DOP1A: variants seen among roughly 807,000 people sequenced by gnomAD.
DOP1A encodes DOP1 leucine zipper like protein A.
DOP1A carries 90 observed loss-of-function variants against 267.6 expected under a neutral mutation model. That is an observed-to-expected ratio of 0.34 (90% CI 0.28 to 0.40). DOP1A has a LOEUF of 0.40. Ranked by LOEUF, DOP1A falls within the 10% of genes least tolerant of loss-of-function variation. The pLI, the probability that DOP1A is intolerant of heterozygous loss-of-function variation, is 1.00. For missense variants in DOP1A, 2,437 were observed against 2,900.4 expected (o/e 0.84, Z 3.67); for synonymous variants, 932 against 999.1 (o/e 0.93, Z 1.27).
intron 26 of DOP1A, among the ~76,000 whole-genome samples, chr6:83,148,096 A>T (rs1477428031): frequency 6.6e-6 from 1 of 152,126 alleles, no homozygotes; most frequent in Non-Finnish European, 1.5e-5. Context: ...GATAAATGGG[A>T]TTTCAATAGA....
intron 17 of DOP1A, among the ~76,000 whole-genome samples, chr6:83,131,719 T>TG (rs1346539572): frequency 1.3e-5 from 2 of 152,084 alleles, no homozygotes; most frequent in Non-Finnish European, 2.9e-5. Context: ...CACTACAACT[T>TG]GCGCTTTTCG....
At chr6:83,068,655 T>C (rs1785102856) in intron 1 of DOP1A, among the ~76,000 whole-genome samples, 1 of 152,222 alleles carries the variant, frequency 6.6e-6, no homozygotes, top group Non-Finnish European at 1.5e-5. Flanking sequence ...TTTGATGTTG[T>C]TGGCCATTGT....
chr6:83,170,184 C>T (rs1473232471), downstream of DOP1A: 22 of 877,558 alleles, frequency 2.5e-5, no homozygotes, highest in Non-Finnish European at 3.7e-5. Flanking sequence ...TAATGTGAAC[C>T]TAAAAGGCTC....
chr6:83,099,788 A>G (rs1235720019), intron 3 of DOP1A, among the ~76,000 whole-genome samples: 1 of 151,844 alleles, frequency 6.6e-6, no homozygotes, highest in Non-Finnish European at 1.5e-5. Context: ...TTACATATAT[A>G]TACTCATACC....
intron 1 of DOP1A, among the ~76,000 whole-genome samples, chr6:83,085,783 G>A (rs181125122): frequency 2.0e-5 from 1 of 50,846 alleles, no homozygotes; most frequent in Non-Finnish European, 3.7e-5. Flanking sequence ...GGTATTTTAT[G>A]TTATGTTATG....
chr6:83,100,505 G>A (rs1024778671), intron 3 of DOP1A, among the ~76,000 whole-genome samples, 200 bp from the exon 4 acceptor site: 4 of 151,986 alleles, frequency 2.6e-5, no homozygotes, highest in African/African-American at 9.7e-5. Context: ...AACAGGTAAC[G>A]AGTTTATTTT....
chr6:83,159,499 C>G (rs1409488420), intron 36 of DOP1A, among the ~76,000 whole-genome samples: 3 of 151,968 alleles, frequency 2.0e-5, no homozygotes, highest in African/African-American at 7.2e-5. Context: ...TCATGTTGCC[C>G]AGGCTGGTCT....
In DOP1A at chr6:83,138,009, G is replaced by A. The variant is rs765833825; in HGVS notation, c.3967G>A (p.Val1323Ile). 1.2e-6 allele frequency: 2 copies of A among 1,608,134 alleles called. No individual in the cohort carries two copies. Among genetic ancestry groups the A allele is most frequent in the Admixed American group, 1.7e-5 (1 of 58,714 alleles). ...SSNEKLKQTS[V>I]FFSDGLDLEN... ...AAATGAAAAACTCAAACAAACCAGT[G>A]TATTCTTCAGTGATGGTCTGGATTT... Residue 1323 changes from valine to isoleucine, a missense_variant, in exon 21 of 39, where the codon GTA becomes ATA. Val to Ile is a conservative substitution (Grantham distance 29, BLOSUM62 3). Around this residue, in one of 9 missense-constraint regions of DOP1A, gnomAD observed 878 missense variants for 992.9 expected, o/e 0.88. Coordinates refer to ENST00000349129, the MANE Select transcript of DOP1A (RefSeq NM_015018.4).
chr6:83,110,108 C>G lies in DOP1A; in HGVS notation c.492-17C>G. The G allele has an allele frequency of 1.3e-6, 2 of 1,549,876 alleles. No individual in the cohort carries two copies. The highest frequency in any genetic ancestry group is 1.7e-6 in the Non-Finnish European group (2 of 1,151,198). On this transcript the variant is annotated splice_polypyrimidine_tract_variant and intron_variant, in intron 5 of 38. Coordinates refer to ENST00000349129, the MANE Select transcript of DOP1A (RefSeq NM_015018.4). ...ACTAAATGTTTCCCTTCTTAAACCA[C>G]TTTATTTATACCTCAGAACAAATAT...
At chr6:83,088,335 C>T (rs77769464) in intron 1 of DOP1A, among the ~76,000 whole-genome samples, 5,322 of 150,890 alleles carry the variant, frequency 0.035, 302 homozygotes, top group African/African-American at 0.12. Flanking sequence ...GAGATTGGAT[C>T]AGATTAGGGA....
intron 1 of DOP1A, among the ~76,000 whole-genome samples, chr6:83,074,403 C>T (rs1582833738): frequency 6.6e-6 from 1 of 152,058 alleles, no homozygotes. Flanking sequence ...CCCTTTATTA[C>T]CATAAATGGG....
In DOP1A at chr6:83,067,709, C is replaced by G. The variant is rs1016432264; in HGVS notation, c.-217C>G. On this transcript the variant is annotated 5_prime_UTR_variant, in exon 1 of 39. Transcript: ENST00000349129. The stretch of plus-strand genomic sequence containing the variant: ...GGAGCTGTCACTAGGCCCTTCGGCT[C>G]CCGGTCTCGGTGTAGCTGCCGTGGT... 1 of 152,136 alleles carries G rather than the reference C, an allele frequency of 6.6e-6. No homozygotes were observed. The highest frequency in any genetic ancestry group is 1.5e-5 in the Non-Finnish European group (1 of 68,074). 9.4% of individuals were successfully genotyped at this position (152,136 alleles called of 1,614,324 possible).
intron 1 of DOP1A, among the ~76,000 whole-genome samples, chr6:83,089,597 C>T (rs528354655): frequency 1.4e-4 from 22 of 152,084 alleles, no homozygotes; most frequent in Admixed American, 5.2e-4. Context: ...GATTAACAGC[C>T]CCTAGAAGAA....
rs1779193280 is a variant in DOP1A at position 83,138,724 on chromosome 6, A to G, written c.4682A>G (p.Glu1561Gly). 1 of 1,614,080 alleles carries G rather than the reference A, an allele frequency of 6.2e-7. No individual in the cohort carries two copies. Among genetic ancestry groups the G allele is most frequent in the Non-Finnish European group, 8.5e-7 (1 of 1,179,958 alleles). ...GTTGCTGTGGAAGAAGGTTTCTCAG[A>G]GGACAGCCTTATTAATTTCTCAGAG... ...NLVAVEEGFS[E>G]DSLINFSEDE... Residue 1561 changes from glutamate to glycine, a missense_variant, in exon 21 of 39, where the codon GAG (glutamate) becomes GGG (glycine). Coordinates refer to ENST00000349129, the MANE Select transcript of DOP1A (RefSeq NM_015018.4).
At chr6:83,141,829 TA>T (rs1232922641) in intron 23 of DOP1A, 91 bp from the exon 24 acceptor site, 1 of 1,328,428 alleles carries the variant, frequency 7.5e-7, no homozygotes, top group East Asian at 2.4e-5. Context: ...ATAAGTACTA[TA>T]TTATTTCAAA....
chr6:83,167,617 C>G (rs1786087513), intron 38 of DOP1A: 2 of 1,195,372 alleles, frequency 1.7e-6, no homozygotes, highest in Non-Finnish European at 2.1e-6. Flanking sequence ...TTTCTGTTAA[C>G]TAAGCTTATC....
chr6:83,130,765 C>T (rs1562335877), intron 17 of DOP1A, among the ~76,000 whole-genome samples: 1 of 150,562 alleles, frequency 6.6e-6, no homozygotes, highest in Non-Finnish European at 1.5e-5. Context: ...TTTTTTGAGA[C>T]GGTCTTGCTG....
In DOP1A at chr6:83,156,111, A is replaced by G; in HGVS notation, c.6604+8A>G. 1 of 1,600,482 alleles carries G rather than the reference A, an allele frequency of 6.2e-7. No homozygotes were observed. The highest frequency in any genetic ancestry group is 1.1e-5 in the South Asian group (1 of 88,196). On this transcript the variant is annotated splice_region_variant and intron_variant, in intron 34 of 38. Coordinates refer to ENST00000349129, the MANE Select transcript of DOP1A (RefSeq NM_015018.4). Reference sequence around the variant, plus strand: ...ATCTTCCAGATATACAAGGTAAAAAATGAAAAACCCTTTATTTTTTCTCTA... The same window carrying G: ...ATCTTCCAGATATACAAGGTAAAAAGTGAAAAACCCTTTATTTTTTCTCTA...
chr6:83,158,106 C>T lies in DOP1A; in HGVS notation c.6742-461C>T, dbSNP rs113412607. Among the ~76,000 whole-genome samples the T allele has an allele frequency of 6.9e-3, 1,044 of 152,124 alleles. 5 individuals are homozygous for T. The highest frequency in any genetic ancestry group is 0.034 in the Middle Eastern group (10 of 292). On this transcript the variant is annotated intron_variant, in intron 35 of 38. Coordinates refer to ENST00000349129, the MANE Select transcript of DOP1A (RefSeq NM_015018.4). ...CTCTGCCTCCCGGGTTCAGGCCATT[C>T]TCCTGCCTCAGCCTCCCGAGTAGCT...
Sources: gnomAD v4.1 joint callset for allele counts (sites outside exome capture counted in the v4.1 genomes callset) on GRCh38, gnomAD v4.1.1 for gene constraint, gnomAD v4.1.1 regional missense constraint, MANE v1.5 for transcripts, NCBI Gene and HGNC (gene_info 2026-07-23, HGNC 2026-07-21) for gene names.